The following TRMT13 variants were observed in gnomAD, a reference collection of about 807,000 sequenced individuals.
TRMT13 encodes tRNA methyltransferase 13.
In TRMT13, 45 loss-of-function variants were observed where a neutral mutation model predicts 55.9. That is an observed-to-expected ratio of 0.80 (90% CI 0.63 to 1.03). The LOEUF is 1.03. Ranked by LOEUF, TRMT13 falls within the 50% of genes least tolerant of loss-of-function variation. The probability of loss-of-function intolerance (pLI) is 0.00; values close to 1 mark genes in which losing one functional copy is unlikely to be tolerated. For synonymous variants in TRMT13, 183 were observed against 196.3 expected, an observed-to-expected ratio of 0.93 and a Z score of 0.57; for missense variants, 513 against 563.9, an observed-to-expected ratio of 0.91 and a Z score of 0.91.
chr1:100,135,150 G>A (rs1655640500), intron 1 of TRMT13, among the ~76,000 whole-genome samples: 1 of 152,094 alleles, frequency 6.6e-6, no homozygotes, highest in Admixed American at 6.5e-5. Flanking sequence ...ACAGCCCCCT[G>A]CACTCACCCC....
chr1:100,145,935 C>A (rs891311431), intron 9 of TRMT13, among the ~76,000 whole-genome samples: 1 of 152,196 alleles, frequency 6.6e-6, no homozygotes. Flanking sequence ...TTAAACTCTT[C>A]GGTACTTCCT....
chr1:100,142,235 C>T (rs1656727811), intron 7 of TRMT13, among the ~76,000 whole-genome samples: 1 of 152,070 alleles, frequency 6.6e-6, no homozygotes, highest in African/African-American at 2.4e-5. Flanking sequence ...GCAGAAGTGA[C>T]AGTTGAGATG....
chr1:100,141,125 C>CT (rs1262346338), intron 7 of TRMT13, 106 bp downstream of exon 7: 27 of 1,091,704 alleles, frequency 2.5e-5, no homozygotes, highest in Non-Finnish European at 3.3e-5. Context: ...AAGGAATTTT[C>CT]TTTATCTGTT....
At chr1:100,140,773 C>A in intron 6 of TRMT13, 79 bp from the exon 7 acceptor site, 1 of 1,358,334 alleles carries the variant, frequency 7.4e-7, no homozygotes, top group Non-Finnish European at 1.0e-6. Flanking sequence ...CTGCCTTATG[C>A]AGAAATTACC....
At chr1:100,147,453 C>T (rs897552146) in intron 9 of TRMT13, among the ~76,000 whole-genome samples, 11 of 152,216 alleles carry the variant, frequency 7.2e-5, no homozygotes, top group African/African-American at 2.7e-4. Context: ...GCATCTTGAC[C>T]TAGCATCAAC....
intron 8 of TRMT13, among the ~76,000 whole-genome samples, chr1:100,143,466 A>T (rs1427006416): frequency 3.9e-5 from 6 of 152,186 alleles, no homozygotes; most frequent in Non-Finnish European, 7.4e-5. Flanking sequence ...TATAATATGT[A>T]CTTCTGTTGT....
chr1:100,140,952 A>G lies in TRMT13; in HGVS notation c.602A>G (p.Asp201Gly). ...AAGGGAAAATTATCTCATTGGGTTGATATTGCCTTAAAAGATGCTGAAAAA... is the reference window on the plus strand; with the variant it reads ...AAGGGAAAATTATCTCATTGGGTTGGTATTGCCTTAAAAGATGCTGAAAAA... Reference protein sequence around the residue: ...AGKGKLSHWVDIALKDAEKVH... With the variant: ...AGKGKLSHWVGIALKDAEKVH... Residue 201 changes from aspartate (D) to glycine (G), a missense_variant, in exon 7 of 11, where the codon GAT becomes GGT. Transcript: ENST00000370141. 1 of 1,613,830 alleles carries G rather than the reference A, an allele frequency of 6.2e-7. No individual in the cohort carries two copies. The highest frequency in any genetic ancestry group is 2.2e-5 in the East Asian group (1 of 44,806).
intron 2 of TRMT13, 22 bp downstream of exon 2, chr1:100,136,950 G>GA: frequency 1.9e-6 from 3 of 1,577,922 alleles, no homozygotes; most frequent in Non-Finnish European, 2.6e-6. Context: ...TCAGATACGG[G>GA]TTTTTTTTTG....
rs770210841 is a variant in TRMT13, at chr1:100,148,789, A to G, written c.1415A>G (p.Asn472Ser). ...AATGTTTTGTTAACTGCTTTACCAA[A>G]TCATTCTTCATCACCAGAAACAACT... ...LENVLLTALP[N>S]HSSSPETTA The change falls in exon 11 of 11, where the codon AAT becomes AGT. Residue 472 changes from asparagine (N) to serine (S), a missense_variant. Physicochemically the swap from Asn to Ser is conservative, Grantham distance 46. Coordinates refer to ENST00000370141, the MANE Select transcript of TRMT13 (RefSeq NM_019083.3). The G allele has an allele frequency of 2.6e-6, 4 of 1,522,164 alleles. No individual in the cohort carries two copies. The highest frequency in any genetic ancestry group is 3.5e-6 in the Non-Finnish European group (4 of 1,137,542). 94.3% of individuals were successfully genotyped at this position (1,522,164 alleles called of 1,614,324 possible).
At chr1:100,135,184 A>C (rs189795113) in intron 1 of TRMT13, among the ~76,000 whole-genome samples, 1 of 152,104 alleles carries the variant, frequency 6.6e-6, no homozygotes, top group Non-Finnish European at 1.5e-5. Context: ...CCTGCCCAAA[A>C]CGTCAATAGT....
chr1:100,149,043 T>C lies in TRMT13; in HGVS notation c.*223T>C. 2 of 1,587,396 alleles carry C rather than the reference T, an allele frequency of 1.3e-6. No individual in the cohort carries two copies. The highest frequency in any genetic ancestry group is 1.2e-5 in the South Asian group (1 of 85,040). ...TTTAGAAGGGCATCTTGAATTATAT[T>C]ATCCATCCGTATTTATGGAGATTGG... is the stretch of plus-strand genomic sequence containing the variant. On this transcript the variant is annotated 3_prime_UTR_variant, in exon 11 of 11. Coordinates refer to ENST00000370141, the MANE Select transcript of TRMT13 (RefSeq NM_019083.3).
At position 100,148,148 on chromosome 1, in the gene TRMT13, G is replaced by A; in HGVS notation, c.1072G>A (p.Ala358Thr). Residue 358 changes from alanine to threonine, a missense_variant, in exon 10 of 11, where the codon GCA (alanine) becomes ACA (threonine). Ala to Thr is a moderately conservative substitution (Grantham distance 58). Transcript: ENST00000370141. Reference sequence around the variant, plus strand: ...ATATTTCAGGGCTCTAGGCCTTGGAGCAGTGGAATTCCATTATTTCCAGCG... The same window carrying A: ...ATATTTCAGGGCTCTAGGCCTTGGAACAGTGGAATTCCATTATTTCCAGCG... ...KEYFRALGLGAVEFHYFQRMS... is the reference protein window; with the variant it reads ...KEYFRALGLGTVEFHYFQRMS... The A allele has an allele frequency of 6.2e-7, 1 of 1,614,202 alleles. No individual in the cohort carries two copies. Among genetic ancestry groups the A allele is most frequent in the South Asian group, 1.1e-5 (1 of 91,080 alleles).
chr1:100,133,546 G>A (rs899483944), intron 1 of TRMT13, among the ~76,000 whole-genome samples: 2 of 152,068 alleles, frequency 1.3e-5, no homozygotes, highest in South Asian at 2.1e-4. Context: ...CATTTATTTT[G>A]ATCTATTTAT....
At chr1:100,147,745 C>T in intron 9 of TRMT13, 149 bp from the exon 10 acceptor site, 2 of 662,390 alleles carry the variant, frequency 3.0e-6, no homozygotes, top group South Asian at 2.7e-5. Context: ...GTTGATAATT[C>T]ATGATAGTAT....
chr1:100,148,448 TA>T, intron 10 of TRMT13, 122 bp downstream of exon 10: 1 of 1,163,506 alleles, frequency 8.6e-7, no homozygotes, highest in Non-Finnish European at 1.2e-6. Context: ...TAGAATAAGC[TA>T]AAATATACAC....
At position 100,140,968 on chromosome 1, in the gene TRMT13, T is replaced by G; in HGVS notation, c.618T>G (p.Asp206Glu). The G allele has an allele frequency of 6.2e-7, 1 of 1,613,650 alleles. No individual in the cohort carries two copies. The highest frequency in any genetic ancestry group is 8.5e-7 in the Non-Finnish European group (1 of 1,179,764). The part of the protein sequence containing the change: ...LSHWVDIALK[D>E]AEKVHFILVE... ...ATTGGGTTGATATTGCCTTAAAAGA[T>G]GCTGAAAAAGTTCACTTCATCCTAG... Residue 206 changes from aspartate (D) to glutamate (E), a missense_variant, in exon 7 of 11, where the codon GAT (aspartate) becomes GAG (glutamate). Asp to Glu is a conservative substitution (Grantham distance 45, BLOSUM62 2). This residue lies in a region of TRMT13 where 298 missense variants were observed against 290.3 expected (regional missense o/e 1.03). Transcript: ENST00000370141.
chr1:100,139,087 A>G (rs1407730629), intron 3 of TRMT13, among the ~76,000 whole-genome samples: 1 of 152,264 alleles, frequency 6.6e-6, no homozygotes, highest in Non-Finnish European at 1.5e-5. Context: ...GGCCTGAGCC[A>G]CTGTGCCTGG....
At chr1:100,146,519 T>C (rs75248840) in intron 9 of TRMT13, among the ~76,000 whole-genome samples, 2 of 151,478 alleles carry the variant, frequency 1.3e-5, no homozygotes, top group Non-Finnish European at 2.9e-5. Flanking sequence ...TTTTTTTTTT[T>C]CTTCGAGACG....
intron 3 of TRMT13, 85 bp from the exon 4 acceptor site, chr1:100,139,564 G>A (rs1398503588): frequency 1.3e-6 from 1 of 776,950 alleles, no homozygotes; most frequent in Non-Finnish European, 2.2e-6. Flanking sequence ...CAGAGCAGGG[G>A]ATAAAGGGAA....
Sources: allele counts gnomAD v4.1 joint callset (sites outside exome capture counted in the v4.1 genomes callset), GRCh38; gene constraint gnomAD v4.1.1; regional missense constraint gnomAD v4.1.1; transcripts MANE v1.5; gene names NCBI Gene and HGNC (gene_info 2026-07-23, HGNC 2026-07-21).